Variants in PRELID2 observed in about 807,000 individuals in gnomAD.
The protein encoded by PRELID2 is PRELI domain containing 2, also known as PRELI domain-containing protein 2.
Under a neutral mutation model 28.4 loss-of-function variants are expected in PRELID2, and 25 were observed. The ratio of observed to expected loss-of-function variants is 0.88; its 90% CI spans 0.64 to 1.23. The LOEUF (loss-of-function observed/expected upper bound fraction) is 1.23, where lower values mean the gene tolerates loss of function less well. PRELID2 is among the 50% of genes most tolerant of loss of function. The pLI is 0.00. For synonymous variants in PRELID2, 76 were observed against 71.6 expected (o/e 1.06, Z -0.31); for missense variants, 201 against 214.4 (o/e 0.94, Z 0.39).
At chr5:145,431,878 T>C in the PRELID2 span, among the ~76,000 whole-genome samples, 1 of 152,164 alleles carries the variant, frequency 6.6e-6, no homozygotes, top group African/African-American at 2.4e-5. Context: ...CAAAGACAGA[T>C]ATACAGGGAT....
chr5:145,474,557 G>T (rs1407024262), intron 1 of PRELID2, among the ~76,000 whole-genome samples: 1 of 152,116 alleles, frequency 6.6e-6, no homozygotes, highest in Non-Finnish European at 1.5e-5. Context: ...GGAGTGGCAG[G>T]CAATTACTCA....
At chr5:145,791,734 G>A (rs1003277419) in intron 5 of PRELID2, among the ~76,000 whole-genome samples, 1 of 152,174 alleles carries the variant, frequency 6.6e-6, no homozygotes, top group African/African-American at 2.4e-5. Flanking sequence ...TAAATTTTAT[G>A]CTACGTATAT....
chr5:145,418,161 C>T, the PRELID2 span, among the ~76,000 whole-genome samples: 1 of 151,794 alleles, frequency 6.6e-6, no homozygotes, highest in African/African-American at 2.4e-5. Context: ...AAAAAAAATA[C>T]CTAGGAATAC....
chr5:145,336,492 G>A, the PRELID2 span, among the ~76,000 whole-genome samples: 4 of 151,766 alleles, frequency 2.6e-5, no homozygotes, highest in Non-Finnish European at 4.4e-5. Flanking sequence ...TTCTACATAT[G>A]GCTAGCCAGT....
chr5:145,268,726 A>G, the PRELID2 span, among the ~76,000 whole-genome samples: 66 of 152,280 alleles, frequency 4.3e-4, no homozygotes, highest in African/African-American at 1.5e-3. Flanking sequence ...TTAAAAGTAT[A>G]AAGGTTGAAA....
chr5:145,638,448 CTTA>C (rs758388589), intron 1 of PRELID2, among the ~76,000 whole-genome samples: 1 of 152,128 alleles, frequency 6.6e-6, no homozygotes, highest in African/African-American at 2.4e-5. Flanking sequence ...TTTCCAAGTA[CTTA>C]TTATTATCTA....
At chr5:145,286,099 C>T in the PRELID2 span, among the ~76,000 whole-genome samples, 1 of 152,158 alleles carries the variant, frequency 6.6e-6, no homozygotes, top group Non-Finnish European at 1.5e-5. Context: ...CACCTGCTGC[C>T]ATGTGCCAGT....
the PRELID2 span, among the ~76,000 whole-genome samples, chr5:145,246,346 AAT>A: frequency 1.7e-4 from 26 of 152,114 alleles, no homozygotes; most frequent in Non-Finnish European, 3.4e-4. Context: ...CCGGGGATAT[AAT>A]AGTGAATCAA....
Position 145,661,054 on chromosome 5 carries a change from T to A in PRELID2, n.70+103877A>T, listed in dbSNP as rs528203515. Among the ~76,000 whole-genome samples, 19 of 152,300 alleles carry A rather than the reference T, an allele frequency of 1.2e-4. No homozygotes were observed. In the South Asian group the frequency reaches 3.9e-3, roughly 32 times the overall value. On this transcript the variant is annotated intron_variant and non_coding_transcript_variant, in intron 1 of 2. Transcript: ENST00000510259. ...TCACCTAATTCAAGATTGCCTTACA[T>A]TGGGGCATATGAGGTAAAATAGCAG...
intron 1 of PRELID2, among the ~76,000 whole-genome samples, chr5:145,718,784 G>A (rs1278201953): frequency 1.3e-5 from 2 of 151,766 alleles, no homozygotes; most frequent in African/African-American, 4.8e-5. Flanking sequence ...TTTAAGAGAA[G>A]GTATTGGAAA....
chr5:145,735,718 G>A (rs1275533035), intron 1 of PRELID2, among the ~76,000 whole-genome samples: 13 of 152,138 alleles, frequency 8.5e-5, no homozygotes, highest in Non-Finnish European at 1.9e-4. Flanking sequence ...TACCCACTGT[G>A]AGCCTTTGAT....
At chr5:145,370,962 A>G in the PRELID2 span, among the ~76,000 whole-genome samples, 1 of 152,070 alleles carries the variant, frequency 6.6e-6, no homozygotes, top group Non-Finnish European at 1.5e-5. Context: ...TTGCACATTG[A>G]TTTTGAATCT....
At chr5:145,359,044 A>G in the PRELID2 span, among the ~76,000 whole-genome samples, 1 of 152,328 alleles carries the variant, frequency 6.6e-6, no homozygotes, top group Non-Finnish European at 1.5e-5. Flanking sequence ...TTCCCTGCAC[A>G]GCTGTCAGCT....
At chr5:145,406,021 A>T in the PRELID2 span, among the ~76,000 whole-genome samples, 2 of 152,014 alleles carry the variant, frequency 1.3e-5, no homozygotes, top group African/African-American at 4.8e-5. Flanking sequence ...ACACACTTTT[A>T]AACAACCAGA....
chr5:145,829,116 G>A (rs571978482), intron 1 of PRELID2, among the ~76,000 whole-genome samples: 11 of 152,002 alleles, frequency 7.2e-5, no homozygotes, highest in Non-Finnish European at 1.5e-4. Flanking sequence ...GCCCAGGCTG[G>A]TCTTGAACTC....
chr5:145,821,335 ATG>A (rs541355901), intron 2 of PRELID2, among the ~76,000 whole-genome samples: 6 of 137,744 alleles, frequency 4.4e-5, no homozygotes, highest in African/African-American at 1.6e-4. Flanking sequence ...TCTTCTGTGT[ATG>A]TGTGTGTAAG....
intron 1 of PRELID2, among the ~76,000 whole-genome samples, chr5:145,681,713 T>C (rs1172597199): frequency 6.6e-6 from 1 of 152,162 alleles, no homozygotes; most frequent in African/African-American, 2.4e-5. Context: ...CCCCCTTCTC[T>C]CCTGCCTTGA....
At chr5:145,731,600 C>A (rs1178959537) in intron 1 of PRELID2, among the ~76,000 whole-genome samples, 2 of 152,222 alleles carry the variant, frequency 1.3e-5, no homozygotes. Context: ...CAGGTCATTT[C>A]TCCCTTCCTC....
chr5:145,646,921 C>G (rs184313495), intron 1 of PRELID2, among the ~76,000 whole-genome samples: 2 of 152,056 alleles, frequency 1.3e-5, no homozygotes, highest in Non-Finnish European at 2.9e-5. Flanking sequence ...TGCCAGATGC[C>G]GGCCAGAGCT....
Sources: gnomAD v4.1 joint callset for allele counts (sites outside exome capture counted in the v4.1 genomes callset) on GRCh38, gnomAD v4.1.1 for gene constraint, MANE v1.5 for transcripts, NCBI Gene and HGNC (gene_info 2026-07-23, HGNC 2026-07-21) for gene names.